The following ADAMTSL1 variants were observed in gnomAD, a reference collection of about 807,000 sequenced individuals.
ADAMTSL1 encodes ADAMTS like 1.
In ADAMTSL1, 126 loss-of-function variants were observed where a neutral mutation model predicts 201.8. That is an observed-to-expected ratio of 0.62 (90% CI 0.54 to 0.72). ADAMTSL1 has a LOEUF of 0.72. ADAMTSL1 is among the 30% of genes least tolerant of loss of function. ADAMTSL1 has a pLI of 0.00. For missense variants in ADAMTSL1, 2,679 were observed against 2,277.8 expected (o/e 1.18, Z -3.59); for synonymous variants, 1,121 against 903.4 (o/e 1.24, Z -4.32).
At chr9:18,730,841 A>T (rs911375792) in intron 15 of ADAMTSL1, among the ~76,000 whole-genome samples, 1 of 152,132 alleles carries the variant, frequency 6.6e-6, no homozygotes, top group Non-Finnish European at 1.5e-5. Flanking sequence ...ACTTACTGCT[A>T]TTGACTCTGG....
intron 2 of ADAMTSL1, among the ~76,000 whole-genome samples, chr9:18,170,713 T>A (rs75076274): frequency 1.3e-5 from 2 of 152,034 alleles, no homozygotes; most frequent in Non-Finnish European, 2.9e-5. Flanking sequence ...TTTTATTGTT[T>A]GAGATAGTAA....
intron 1 of ADAMTSL1, among the ~76,000 whole-genome samples, chr9:18,032,693 A>G (rs1586922988): frequency 6.6e-6 from 1 of 152,198 alleles, no homozygotes; most frequent in South Asian, 2.1e-4. Flanking sequence ...GCTCCGCACA[A>G]GACCAAGCTC....
chr9:18,002,139 C>T (rs1376152087), intron 1 of ADAMTSL1, among the ~76,000 whole-genome samples: 2 of 151,642 alleles, frequency 1.3e-5, no homozygotes, highest in Admixed American at 6.6e-5. Flanking sequence ...AGAATGTTGT[C>T]CTGAAGGGTA....
chr9:18,461,802 G>A (rs934415069), intron 2 of ADAMTSL1, among the ~76,000 whole-genome samples: 2 of 152,136 alleles, frequency 1.3e-5, no homozygotes, highest in Non-Finnish European at 2.9e-5. Flanking sequence ...TCATTGATCC[G>A]TTGACTAACA....
intron 2 of ADAMTSL1, among the ~76,000 whole-genome samples, chr9:18,181,449 A>C (rs1828472735): frequency 6.6e-6 from 1 of 152,100 alleles, no homozygotes; most frequent in South Asian, 2.1e-4. Context: ...AGAAAAAAAC[A>C]AACAACCCGA....
At chr9:17,924,413 A>G (rs1226782663) in intron 1 of ADAMTSL1, among the ~76,000 whole-genome samples, 2 of 152,144 alleles carry the variant, frequency 1.3e-5, no homozygotes, top group Non-Finnish European at 2.9e-5. Context: ...TTATTTGCGT[A>G]GAGGTGTTTG....
intron 23 of ADAMTSL1, among the ~76,000 whole-genome samples, chr9:18,831,362 A>G: frequency 6.6e-6 from 1 of 152,232 alleles, no homozygotes; most frequent in Non-Finnish European, 1.5e-5. Context: ...TCTTTATTTT[A>G]GAATCACTAT....
At chr9:18,632,636 C>T (rs917842560) in intron 5 of ADAMTSL1, among the ~76,000 whole-genome samples, 2 of 152,092 alleles carry the variant, frequency 1.3e-5, no homozygotes, top group Non-Finnish European at 2.9e-5. Flanking sequence ...GTCACTGAAT[C>T]CCTAGTACCT....
rs143945293 is a variant in ADAMTSL1 at position 18,317,198 on chromosome 9, A to G, written c.207+153217A>G. 3.9e-5 allele frequency among the ~76,000 whole-genome samples: 6 copies of G among 152,254 alleles called. No individual in the cohort carries two copies. In the East Asian group the frequency reaches 1.2e-3, roughly 29 times the overall value. On this transcript the variant is annotated intron_variant, in intron 2 of 29. Transcript: ENST00000680146. The stretch of plus-strand genomic sequence containing the variant: ...CTAGGAAAAAAGTTAAATCCATAGA[A>G]GCAGAGAGTAAAACAGTGATTACCA...
intron 2 of ADAMTSL1, among the ~76,000 whole-genome samples, chr9:18,324,809 C>T (rs1834765081): frequency 6.6e-6 from 1 of 151,574 alleles, no homozygotes; most frequent in South Asian, 2.1e-4. Context: ...AATGTATCTT[C>T]ACCAAAAGAC....
At chr9:17,958,927 A>G (rs886100607) in intron 1 of ADAMTSL1, among the ~76,000 whole-genome samples, 1 of 152,168 alleles carries the variant, frequency 6.6e-6, no homozygotes, top group African/African-American at 2.4e-5. Flanking sequence ...ACCTTAAATC[A>G]AGACCCTGTA....
intron 3 of ADAMTSL1, among the ~76,000 whole-genome samples, chr9:18,551,257 C>G (rs1327038312): frequency 1.3e-5 from 2 of 151,724 alleles, no homozygotes; most frequent in Non-Finnish European, 2.9e-5. Flanking sequence ...TGGGTGCATT[C>G]CTAGAATATA....
intron 2 of ADAMTSL1, among the ~76,000 whole-genome samples, chr9:18,177,122 A>C (rs1828203499): frequency 6.6e-6 from 1 of 152,304 alleles, no homozygotes; most frequent in Admixed American, 6.5e-5. Flanking sequence ...CAATTTAGTA[A>C]ATTGGTTTGA....
At chr9:18,816,993 G>A in intron 20 of ADAMTSL1, 116 bp from the exon 21 acceptor site, 5 of 1,332,628 alleles carry the variant, frequency 3.8e-6, no homozygotes, top group Non-Finnish European at 5.0e-6. Context: ...AACATAGTTA[G>A]TGGCAAAAGT....
chr9:18,236,273 A>T (rs1340643328), intron 2 of ADAMTSL1, among the ~76,000 whole-genome samples: 1 of 152,062 alleles, frequency 6.6e-6, no homozygotes, highest in Admixed American at 6.6e-5. Flanking sequence ...GGTTTCACTA[A>T]GTTGGCCAGG....
chr9:18,506,482 T>G (rs887045880), intron 2 of ADAMTSL1, among the ~76,000 whole-genome samples: 2 of 152,148 alleles, frequency 1.3e-5, no homozygotes, highest in Non-Finnish European at 2.9e-5. Flanking sequence ...TATGTCAGCT[T>G]GAGGTAGGAT....
At chr9:18,834,910 C>G (rs746399709) in intron 23 of ADAMTSL1, among the ~76,000 whole-genome samples, 3 of 152,150 alleles carry the variant, frequency 2.0e-5, no homozygotes, top group Non-Finnish European at 4.4e-5. Context: ...CTGGTTATTA[C>G]AAATCTGCTG....
intron 1 of ADAMTSL1, among the ~76,000 whole-genome samples, chr9:17,951,691 G>T (rs1387754949): frequency 6.6e-5 from 10 of 151,532 alleles, no homozygotes; most frequent in African/African-American, 2.4e-4. Context: ...ATATAATCTG[G>T]AAGCCAATCC....
intron 2 of ADAMTSL1, among the ~76,000 whole-genome samples, chr9:18,345,538 T>C (rs1351858958): frequency 6.6e-6 from 1 of 152,168 alleles, no homozygotes; most frequent in East Asian, 1.9e-4. Context: ...CTATATTTTA[T>C]AAACGGAGAT....
Sources: allele counts gnomAD v4.1 joint callset (sites outside exome capture counted in the v4.1 genomes callset), GRCh38; gene constraint gnomAD v4.1.1; transcripts MANE v1.5; gene names NCBI Gene and HGNC (gene_info 2026-07-23, HGNC 2026-07-21).